Variants in LRMDA observed in about 807,000 individuals in gnomAD.
LRMDA encodes leucine rich melanocyte differentiation associated.
LRMDA carries 18 observed loss-of-function variants against 29.8 expected under a neutral mutation model. The observed-to-expected ratio is 0.60, with a 90% CI of 0.42 to 0.90. The LOEUF is 0.90. Among genes scored for constraint, LRMDA ranks in the 40% least tolerant of loss-of-function variants. The pLI, the probability that LRMDA is intolerant of heterozygous loss-of-function variation, is 0.00. For synonymous variants in LRMDA, 125 were observed against 109.4 expected, an observed-to-expected ratio of 1.14 and a Z score of -0.89; for missense variants, 273 against 273.9, an observed-to-expected ratio of 1.00 and a Z score of 0.02.
chr10:75,638,774 G>T (rs1841417545), intron 2 of LRMDA, among the ~76,000 whole-genome samples: 1 of 152,206 alleles, frequency 6.6e-6, no homozygotes, highest in South Asian at 2.1e-4. Context: ...ATAGTTCCTT[G>T]CTTGTGTTTT....
At chr10:75,939,043 A>G (rs535975314) in intron 2 of LRMDA, among the ~76,000 whole-genome samples, 1 of 152,298 alleles carries the variant, frequency 6.6e-6, no homozygotes, top group African/African-American at 2.4e-5. Context: ...GGGTGGCCGC[A>G]AACGATGAAT....
chr10:76,327,431 G>A (rs1014660354), intron 6 of LRMDA, among the ~76,000 whole-genome samples: 3 of 152,054 alleles, frequency 2.0e-5, no homozygotes, highest in African/African-American at 7.2e-5. Context: ...CCATTCTTCA[G>A]GTATCAGCTT....
chr10:76,214,583 A>G (rs1014387429), intron 5 of LRMDA, among the ~76,000 whole-genome samples: 3 of 151,998 alleles, frequency 2.0e-5, no homozygotes, highest in African/African-American at 7.3e-5. Flanking sequence ...TGACCTCATG[A>G]TCCACCCACC....
At chr10:75,934,691 G>A (rs181407730) in intron 2 of LRMDA, among the ~76,000 whole-genome samples, 53 of 152,186 alleles carry the variant, frequency 3.5e-4, no homozygotes, top group African/African-American at 1.2e-3. Context: ...GGGCACTCTC[G>A]GTCAGTGCCT....
At chr10:75,650,027 T>C (rs1841577023) in intron 2 of LRMDA, among the ~76,000 whole-genome samples, 1 of 152,212 alleles carries the variant, frequency 6.6e-6, no homozygotes, top group Non-Finnish European at 1.5e-5. Flanking sequence ...TAATCCCTTA[T>C]CAGATATGTG....
chr10:76,404,201 G>A (rs758705614), intron 6 of LRMDA, among the ~76,000 whole-genome samples: 18 of 152,122 alleles, frequency 1.2e-4, no homozygotes, highest in Non-Finnish European at 2.2e-4. Context: ...TCACAGCAGT[G>A]GCACCCAGAG....
In LRMDA at chr10:76,538,269, A is replaced by T. The variant is rs574623927; in HGVS notation, c.602-18940A>T. 2.0e-4 allele frequency among the ~76,000 whole-genome samples: 31 copies of T among 152,008 alleles called. No homozygotes were observed. In the East Asian group the frequency reaches 2.5e-3, roughly 12 times the overall value. ...CCCCTTTACCCTATTTCTACCCACC[A>T]GCTACACATTGTCATTCTTAGTCTC... On this transcript the variant is annotated intron_variant, in intron 6 of 6. Coordinates refer to ENST00000611255, the MANE Select transcript of LRMDA (RefSeq NM_001305581.2).
chr10:76,142,039 A>T (rs1302665732), intron 5 of LRMDA, among the ~76,000 whole-genome samples: 1 of 151,642 alleles, frequency 6.6e-6, no homozygotes, highest in Non-Finnish European at 1.5e-5. Flanking sequence ...AGAAGCCCTT[A>T]TCTCAACTTT....
Position 75,743,929 on chromosome 10 carries a change from A to G in LRMDA, c.132-292079A>G, listed in dbSNP as rs540220685. On this transcript the variant is annotated intron_variant, in intron 2 of 6. Transcript: ENST00000611255. ...CACAACCCAAAGAAAAAATTGGAAC[A>G]TTTTTGGGTCCAAGTTTCACAGATG... Among the ~76,000 whole-genome samples the G allele has an allele frequency of 2.0e-5, 3 of 152,296 alleles. No individual in the cohort carries two copies. The South Asian group carries it at 6.2e-4, about 32-fold the overall frequency.
chr10:76,345,284 G>C (rs1340719907), intron 6 of LRMDA, among the ~76,000 whole-genome samples: 3 of 149,604 alleles, frequency 2.0e-5, no homozygotes, highest in African/African-American at 7.3e-5. Context: ...TTGTTAGCCA[G>C]GATGGTCTCG....
intron 2 of LRMDA, among the ~76,000 whole-genome samples, chr10:75,718,123 A>C (rs1468741403): frequency 1.3e-5 from 2 of 152,166 alleles, no homozygotes; most frequent in Non-Finnish European, 2.9e-5. Flanking sequence ...TATTTGCACC[A>C]TTTACTATCT....
intron 5 of LRMDA, among the ~76,000 whole-genome samples, chr10:76,284,070 T>C (rs1269970302): frequency 6.6e-6 from 1 of 152,226 alleles, no homozygotes; most frequent in East Asian, 1.9e-4. Flanking sequence ...CATTTCTTTT[T>C]CCACGAAAGT....
intron 5 of LRMDA, among the ~76,000 whole-genome samples, chr10:76,204,092 T>C (rs1268542733): frequency 6.8e-6 from 1 of 146,338 alleles, no homozygotes; most frequent in Non-Finnish European, 1.5e-5. Context: ...TCCACCCATC[T>C]CTATTTTATG....
At chr10:75,757,313 A>C (rs903662183) in intron 2 of LRMDA, among the ~76,000 whole-genome samples, 3 of 152,156 alleles carry the variant, frequency 2.0e-5, no homozygotes, top group African/African-American at 7.2e-5. Context: ...AGGATTTAGG[A>C]AATTGTACGA....
chr10:75,719,612 C>G (rs1011795473), intron 2 of LRMDA, among the ~76,000 whole-genome samples: 2 of 152,132 alleles, frequency 1.3e-5, no homozygotes, highest in African/African-American at 4.8e-5. Flanking sequence ...CCCTGGGGGC[C>G]AAGAAGCAGA....
chr10:76,013,761 A>G (rs1466916235), intron 2 of LRMDA, among the ~76,000 whole-genome samples: 2 of 151,824 alleles, frequency 1.3e-5, no homozygotes, highest in Non-Finnish European at 2.9e-5. Context: ...TCACCACCCT[A>G]TTTTCTTTCC....
intron 2 of LRMDA, among the ~76,000 whole-genome samples, chr10:75,564,189 G>T (rs1488007427): frequency 6.6e-6 from 1 of 152,150 alleles, no homozygotes; most frequent in Non-Finnish European, 1.5e-5. Context: ...GCTGCACCCA[G>T]TTGGAGCTTC....
intron 2 of LRMDA, among the ~76,000 whole-genome samples, chr10:75,883,855 C>A (rs1383889708): frequency 1.3e-5 from 2 of 151,118 alleles, no homozygotes; most frequent in Non-Finnish European, 2.9e-5. Context: ...TGAGGAGATT[C>A]TGTTAGTGGG....
At chr10:76,511,688 TAC>T (rs1843010507) in intron 6 of LRMDA, among the ~76,000 whole-genome samples, 1 of 151,494 alleles carries the variant, frequency 6.6e-6, no homozygotes, top group Admixed American at 6.6e-5. Context: ...GTGTAAAACT[TAC>T]ATGGTGAAAA....
Sources: allele counts gnomAD v4.1 joint callset (sites outside exome capture counted in the v4.1 genomes callset), GRCh38; gene constraint gnomAD v4.1.1; transcripts MANE v1.5; gene names NCBI Gene and HGNC (gene_info 2026-07-23, HGNC 2026-07-21).